Variants in KIAA1217 observed in about 807,000 individuals in gnomAD.
KIAA1217 encodes the protein KIAA1217.
Under a neutral mutation model 163.9 loss-of-function variants are expected in KIAA1217, and 88 were observed. That is an observed-to-expected ratio of 0.54 (90% CI 0.45 to 0.64). The LOEUF is 0.64. Ranked by LOEUF, KIAA1217 falls within the 30% of genes least tolerant of loss-of-function variation. The pLI is 0.00. For synonymous variants in KIAA1217, 903 were observed against 923.1 expected, an observed-to-expected ratio of 0.98 and a Z score of 0.39; for missense variants, 2,372 against 2,475.0, an observed-to-expected ratio of 0.96 and a Z score of 0.88.
At chr10:24,313,897 TG>T (rs1173440625) in intron 2 of KIAA1217, among the ~76,000 whole-genome samples, 1 of 144,406 alleles carries the variant, frequency 6.9e-6, no homozygotes. Flanking sequence ...TGGAGTGCAG[TG>T]GTGCAATCTC....
chr10:23,747,679 T>C (rs1000245890), intron 1 of KIAA1217, among the ~76,000 whole-genome samples: 4 of 152,084 alleles, frequency 2.6e-5, no homozygotes, highest in East Asian at 3.9e-4. Context: ...TTAAAGAAGA[T>C]ACAAAGGTCA....
chr10:24,175,940 G>C (rs182216200), intron 2 of KIAA1217, among the ~76,000 whole-genome samples: 99 of 152,306 alleles, frequency 6.5e-4, no homozygotes, highest in Non-Finnish European at 7.3e-5. Flanking sequence ...CAAAGAGTGA[G>C]CAGCAGCAAT....
At chr10:23,959,847 A>T (rs1452976587) in intron 1 of KIAA1217, among the ~76,000 whole-genome samples, 1 of 149,830 alleles carries the variant, frequency 6.7e-6, no homozygotes, top group African/African-American at 2.4e-5. Flanking sequence ...TCCTCTGGGT[A>T]TAGGGAGAAT....
chr10:23,934,583 A>ATATATATATATATATATATATATG (rs1226321775), intron 1 of KIAA1217, among the ~76,000 whole-genome samples: 1 of 64,078 alleles, frequency 1.6e-5, no homozygotes, highest in Non-Finnish European at 2.5e-5. Flanking sequence ...ATATATATAT[A>ATATATATATATATATATATATATG]TATATATGTA....
At chr10:24,166,287 G>A (rs1020776138) in intron 2 of KIAA1217, among the ~76,000 whole-genome samples, 1 of 152,094 alleles carries the variant, frequency 6.6e-6, no homozygotes, top group Non-Finnish European at 1.5e-5. Context: ...TCCTGTGGCT[G>A]TTGAAAACTA....
intron 3 of KIAA1217, among the ~76,000 whole-genome samples, chr10:24,407,114 A>G (rs1338206095): frequency 1.3e-5 from 2 of 152,202 alleles, no homozygotes; most frequent in Non-Finnish European, 2.9e-5. Flanking sequence ...CATCTATAAA[A>G]TCCTGACACA....
At chr10:24,541,800 A>G (rs931564592) in intron 17 of KIAA1217, among the ~76,000 whole-genome samples, 2 of 152,228 alleles carry the variant, frequency 1.3e-5, no homozygotes, top group African/African-American at 4.8e-5. Context: ...TTCAGTCTAC[A>G]CTGGAAAATA....
At chr10:24,286,918 T>G (rs2366909) in intron 2 of KIAA1217, among the ~76,000 whole-genome samples, 1 of 152,176 alleles carries the variant, frequency 6.6e-6, no homozygotes, top group African/African-American at 2.4e-5. Context: ...TATTTCACTT[T>G]CAGTCATGGG....
chr10:23,790,608 TAC>T (rs1156696525), intron 1 of KIAA1217, among the ~76,000 whole-genome samples: 2 of 127,432 alleles, frequency 1.6e-5, no homozygotes, highest in African/African-American at 6.5e-5. Flanking sequence ...TGTACATATA[TAC>T]ATATGTATAT....
At chr10:24,367,625 A>G (rs1043377480) in intron 2 of KIAA1217, among the ~76,000 whole-genome samples, 20 of 152,110 alleles carry the variant, frequency 1.3e-4, no homozygotes, top group African/African-American at 4.6e-4. Flanking sequence ...GACAATCCCA[A>G]AGCTATGTCA....
chr10:24,055,609 T>C (rs1209246361), intron 2 of KIAA1217, among the ~76,000 whole-genome samples: 1 of 152,180 alleles, frequency 6.6e-6, no homozygotes, highest in Non-Finnish European at 1.5e-5. Flanking sequence ...GTCCTTCCTC[T>C]CTCCTTGAGA....
rs574691306 is a variant in KIAA1217 at position 24,486,991 on chromosome 10, C to T, written c.1680-7509C>T. On this transcript the variant is annotated intron_variant, in intron 6 of 20. Coordinates refer to ENST00000376454, the MANE Select transcript of KIAA1217 (RefSeq NM_019590.5). ...GATTAATGGCTGAAAGAAAGGTCAC[C>T]GCTGTAAGGATGGAGTCAGAGAACA... is the stretch of plus-strand genomic sequence containing the variant. Among the ~76,000 whole-genome samples the T allele has an allele frequency of 2.0e-3, 308 of 152,278 alleles. 2 individuals carry two copies. The highest frequency in any genetic ancestry group is 3.4e-3 in the Middle Eastern group (1 of 294).
At chr10:23,999,819 G>C (rs1368305284) in intron 1 of KIAA1217, among the ~76,000 whole-genome samples, 2 of 152,104 alleles carry the variant, frequency 1.3e-5, no homozygotes, top group Non-Finnish European at 2.9e-5. Flanking sequence ...CAGCATTTTG[G>C]GAGGCCAAGG....
Position 24,400,962 on chromosome 10 carries a change from T to TACACACACACACACACACACACACAC in KIAA1217, c.553+19907_553+19932dup, listed in dbSNP as rs375697958. On this transcript the variant is annotated intron_variant, in intron 3 of 20. Transcript: ENST00000376454. Reference sequence around the variant, plus strand: ...AACACAAAATTCCAAGCAAGAAACATACACACACACACACACACACACACA... The same window carrying TACACACACACACACACACACACACAC: ...AACACAAAATTCCAAGCAAGAAACATACACACACACACACACACACACACACACACACACACACACACACACACACA... 6.8e-4 allele frequency among the ~76,000 whole-genome samples: 80 copies of TACACACACACACACACACACACACAC among 117,170 alleles called. 2 individuals are homozygous for TACACACACACACACACACACACACAC. Among genetic ancestry groups the TACACACACACACACACACACACACAC allele is most frequent in the African/African-American group, 2.1e-3 (62 of 30,174 alleles). 76.9% of individuals were successfully genotyped at this position (117,170 alleles called of 152,430 possible).
chr10:24,222,558 A>G (rs1014794833), intron 2 of KIAA1217, among the ~76,000 whole-genome samples: 5 of 152,016 alleles, frequency 3.3e-5, no homozygotes, highest in Non-Finnish European at 7.4e-5. Context: ...ACAGTGGCGC[A>G]ATCTTGGCTC....
chr10:24,356,188 GT>G (rs1213626417), intron 2 of KIAA1217, among the ~76,000 whole-genome samples: 1 of 152,156 alleles, frequency 6.6e-6, no homozygotes, highest in Non-Finnish European at 1.5e-5. Flanking sequence ...CTTTCAACCA[GT>G]TTGCTTCATT....
rs573176811 is a variant in KIAA1217, at chr10:23,983,204, A to C, written c.-320-24021A>C. ...CGAAGCCCAAATTCAGTGGGATGGGATGCATATTCAGCTTGCTTTACTGTA... is the reference window on the plus strand; with the variant it reads ...CGAAGCCCAAATTCAGTGGGATGGGCTGCATATTCAGCTTGCTTTACTGTA... On this transcript the variant is annotated intron_variant, in intron 1 of 18. Transcript: ENST00000376462. Among the ~76,000 whole-genome samples the C allele has an allele frequency of 3.9e-5, 6 of 152,192 alleles. No individual in the cohort carries two copies. In the East Asian group the frequency reaches 1.2e-3, roughly 30 times the overall value.
At chr10:24,123,856 T>C (rs2063374274) in intron 2 of KIAA1217, among the ~76,000 whole-genome samples, 1 of 152,222 alleles carries the variant, frequency 6.6e-6, no homozygotes, top group African/African-American at 2.4e-5. Flanking sequence ...TGTAAGGACT[T>C]TCTGATTACT....
chr10:23,810,408 AAT>A (rs923644927), intron 1 of KIAA1217, among the ~76,000 whole-genome samples: 1 of 144,550 alleles, frequency 6.9e-6, no homozygotes, highest in Non-Finnish European at 1.5e-5. Flanking sequence ...CTCTCTCTAT[AAT>A]ATATATACAC....
Sources: gnomAD v4.1 joint callset for allele counts (sites outside exome capture counted in the v4.1 genomes callset) on GRCh38, gnomAD v4.1.1 for gene constraint, MANE v1.5 for transcripts, NCBI Gene and HGNC (gene_info 2026-07-23, HGNC 2026-07-21) for gene names.